CNTN5: variants seen among roughly 807,000 people sequenced by gnomAD.
CNTN5 encodes the protein contactin-5.
A neutral mutation model predicts 129.1 loss-of-function variants in CNTN5; 77 were observed. The ratio of observed to expected loss-of-function variants is 0.60; its 90% CI spans 0.50 to 0.72. The LOEUF is 0.72. CNTN5 is among the 30% of genes least tolerant of loss of function. The pLI is 0.00. For missense variants in CNTN5, 1,478 were observed against 1,328.8 expected (o/e 1.11, Z -1.75); for synonymous variants, 509 against 465.6 (o/e 1.09, Z -1.20).
chr11:100,310,458 ATCAT>A (rs1951449420), intron 21 of CNTN5, among the ~76,000 whole-genome samples: 2 of 151,892 alleles, frequency 1.3e-5, no homozygotes, highest in Non-Finnish European at 2.9e-5. Context: ...CTAAATATAA[ATCAT>A]TCATTCTTTA....
intron 1 of CNTN5, among the ~76,000 whole-genome samples, chr11:99,178,227 T>A (rs1031153706): frequency 6.6e-6 from 1 of 151,778 alleles, no homozygotes; most frequent in Non-Finnish European, 1.5e-5. Context: ...ATACCTGTGA[T>A]CCTAGCACAT....
chr11:100,287,078 C>T (rs894302299), intron 18 of CNTN5, among the ~76,000 whole-genome samples: 23 of 152,184 alleles, frequency 1.5e-4, no homozygotes, highest in African/African-American at 4.6e-4. Context: ...AAGAAATGAG[C>T]AAAGCCTCCA....
intron 1 of CNTN5, among the ~76,000 whole-genome samples, chr11:99,054,231 C>A (rs1864540361): frequency 6.6e-6 from 1 of 151,738 alleles, no homozygotes; most frequent in Non-Finnish European, 1.5e-5. Flanking sequence ...TCATGACAAA[C>A]CTGGTAATCT....
intron 3 of CNTN5, among the ~76,000 whole-genome samples, chr11:99,756,572 T>C (rs1944410899): frequency 6.6e-6 from 1 of 152,242 alleles, no homozygotes; most frequent in East Asian, 1.9e-4. Flanking sequence ...GTTGTCTCAT[T>C]AAATACACAC....
intron 16 of CNTN5, among the ~76,000 whole-genome samples, chr11:100,234,806 A>T (rs1949574893): frequency 6.6e-6 from 1 of 150,732 alleles, no homozygotes; most frequent in Non-Finnish European, 1.5e-5. Context: ...AAAAAAAAAA[A>T]AAAAAAAAAA....
chr11:99,742,716 G>A (rs11221171), intron 3 of CNTN5, among the ~76,000 whole-genome samples: 13 of 152,132 alleles, frequency 8.5e-5, no homozygotes, highest in Non-Finnish European at 1.9e-4. Context: ...AATTTACGCT[G>A]GATCCTAAAA....
chr11:99,860,097 G>A lies in CNTN5; in HGVS notation c.577+14835G>A, dbSNP rs1462986430. 2.0e-5 allele frequency among the ~76,000 whole-genome samples: 3 copies of A among 152,258 alleles called. No homozygotes were observed. The East Asian group carries it at 5.8e-4, about 29-fold the overall frequency. On this transcript the variant is annotated intron_variant, in intron 6 of 24. Transcript: ENST00000524871. ...GATTTGCATTTCTCTGATGATTAGTGATGTGGAGTACTTCTTCCATATGTT... is the reference window on the plus strand; with the variant it reads ...GATTTGCATTTCTCTGATGATTAGTAATGTGGAGTACTTCTTCCATATGTT...
intron 1 of CNTN5, among the ~76,000 whole-genome samples, chr11:99,320,336 G>A (rs907841576): frequency 3.9e-5 from 6 of 152,164 alleles, no homozygotes; most frequent in African/African-American, 1.4e-4. Context: ...AGTGGAAGAC[G>A]AGATGATTAT....
chr11:99,327,200 C>T (rs895298167), intron 2 of CNTN5, among the ~76,000 whole-genome samples: 1 of 152,108 alleles, frequency 6.6e-6, no homozygotes, highest in African/African-American at 2.4e-5. Flanking sequence ...CCACTGAACA[C>T]AGCACAGCAG....
At chr11:99,272,770 A>T (rs938894214) in intron 1 of CNTN5, among the ~76,000 whole-genome samples, 1 of 151,866 alleles carries the variant, frequency 6.6e-6, no homozygotes, top group African/African-American at 2.4e-5. Context: ...AGGAAGAAAC[A>T]GTTCTTTTGG....
At chr11:99,203,000 AGAAAG>A (rs1354123570) in intron 1 of CNTN5, among the ~76,000 whole-genome samples, 1 of 151,900 alleles carries the variant, frequency 6.6e-6, no homozygotes, top group African/African-American at 2.4e-5. Context: ...AAGAGAGAGA[AGAAAG>A]GAAGGAAGGA....
chr11:100,045,212 G>A (rs765724115), intron 9 of CNTN5, among the ~76,000 whole-genome samples: 1 of 152,012 alleles, frequency 6.6e-6, no homozygotes, highest in Admixed American at 6.6e-5. Flanking sequence ...AGTAAATAAA[G>A]TAGCTTAAAA....
intron 13 of CNTN5, among the ~76,000 whole-genome samples, chr11:100,093,670 A>G (rs1849391303): frequency 6.6e-6 from 1 of 152,142 alleles, no homozygotes; most frequent in Non-Finnish European, 1.5e-5. Context: ...TACAGTCTGT[A>G]CAACCTGACT....
intron 6 of CNTN5, among the ~76,000 whole-genome samples, chr11:99,895,187 A>C (rs988323906): frequency 3.3e-5 from 5 of 152,202 alleles, no homozygotes; most frequent in African/African-American, 1.2e-4. Context: ...CTAGGCATCC[A>C]AGAGGGGACA....
chr11:99,844,797 C>CA, intron 4 of CNTN5, 55 bp from the exon 5 acceptor site: 2 of 1,534,860 alleles, frequency 1.3e-6, no homozygotes. Context: ...GAAAAAAACA[C>CA]AAAATATCTT....
rs766368246 is a variant in CNTN5 at position 99,845,068 on chromosome 11, C to A, written c.402-19C>A. 1.2e-6 allele frequency: 2 copies of A among 1,612,004 alleles called. No homozygotes were observed. The highest frequency in any genetic ancestry group is 3.3e-5 in the Admixed American group (2 of 59,894). Reference sequence around the variant, plus strand: ...CTCAGGGAGGATTATACATATTTGTCTTCTGATTTTTTCCTAAGATGGCTT... The same window carrying A: ...CTCAGGGAGGATTATACATATTTGTATTCTGATTTTTTCCTAAGATGGCTT... On this transcript the variant is annotated intron_variant, in intron 5 of 24. Transcript: ENST00000524871.
intron 1 of CNTN5, among the ~76,000 whole-genome samples, chr11:99,104,992 C>T (rs541425110): frequency 2.0e-4 from 30 of 152,102 alleles, no homozygotes; most frequent in African/African-American, 6.7e-4. Flanking sequence ...ATCAATGCAC[C>T]GATGTAATAT....
intron 2 of CNTN5, among the ~76,000 whole-genome samples, chr11:99,422,756 A>G (rs1462736732): frequency 1.3e-5 from 2 of 151,912 alleles, no homozygotes; most frequent in Non-Finnish European, 2.9e-5. Flanking sequence ...TTGCAGGAAG[A>G]CAAAACAGTA....
chr11:100,077,969 T>C (rs984521857), intron 13 of CNTN5, among the ~76,000 whole-genome samples: 4 of 152,186 alleles, frequency 2.6e-5, no homozygotes, highest in African/African-American at 9.6e-5. Flanking sequence ...CAGGAAAATA[T>C]AATCTAATCA....
Sources: gnomAD v4.1 joint callset for allele counts (sites outside exome capture counted in the v4.1 genomes callset) on GRCh38, gnomAD v4.1.1 for gene constraint, MANE v1.5 for transcripts, NCBI Gene and HGNC (gene_info 2026-07-23, HGNC 2026-07-21) for gene names.